The following FILIP1L variants were observed in gnomAD, a reference collection of about 807,000 sequenced individuals.
FILIP1L encodes filamin A interacting protein 1 like.
FILIP1L carries 55 observed loss-of-function variants against 96.6 expected under a neutral mutation model. The observed-to-expected ratio is 0.57, with a 90% CI of 0.46 to 0.71. The LOEUF is 0.71. Ranked by LOEUF, FILIP1L falls within the 30% of genes least tolerant of loss-of-function variation. The probability of loss-of-function intolerance (pLI) is 0.00; values close to 1 mark genes in which losing one functional copy is unlikely to be tolerated. For synonymous variants in FILIP1L, 467 were observed against 473.9 expected (o/e 0.99, Z 0.19); for missense variants, 1,304 against 1,321.2 (o/e 0.99, Z 0.20).
intron 1 of FILIP1L, among the ~76,000 whole-genome samples, chr3:100,010,762 G>A (rs887434925): frequency 1.0e-4 from 15 of 147,900 alleles, no homozygotes; most frequent in Non-Finnish European, 1.9e-4. Flanking sequence ...TTACAGGTGC[G>A]CGCCTCCACG....
intron 1 of FILIP1L, among the ~76,000 whole-genome samples, chr3:99,992,451 GC>G (rs1709552171): frequency 6.6e-6 from 1 of 151,882 alleles, no homozygotes; most frequent in South Asian, 2.1e-4. Context: ...ATGTTTGTTG[GC>G]TGCTTGTATG....
At chr3:99,973,470 A>G (rs1708881254) in intron 1 of FILIP1L, among the ~76,000 whole-genome samples, 1 of 152,206 alleles carries the variant, frequency 6.6e-6, no homozygotes, top group South Asian at 2.1e-4. Context: ...AGTTATAAAT[A>G]CATATGAAAA....
At chr3:99,878,265 A>G (rs1224044074) in intron 4 of FILIP1L, among the ~76,000 whole-genome samples, 2 of 152,156 alleles carry the variant, frequency 1.3e-5, no homozygotes, top group Non-Finnish European at 2.9e-5. Context: ...GAGCTTTTAG[A>G]TCATACCTAC....
chr3:100,103,527 G>GT (rs776373148), intron 1 of FILIP1L, among the ~76,000 whole-genome samples: 2 of 152,166 alleles, frequency 1.3e-5, no homozygotes, highest in African/African-American at 2.4e-5. Flanking sequence ...CTTGAATCAG[G>GT]TTTTTTCTAG....
intron 1 of FILIP1L, among the ~76,000 whole-genome samples, chr3:100,090,510 A>T (rs1289692661): frequency 1.3e-5 from 2 of 152,152 alleles, no homozygotes; most frequent in Non-Finnish European, 2.9e-5. Flanking sequence ...GGCGACAGAG[A>T]TGCATGACTT....
intron 1 of FILIP1L, among the ~76,000 whole-genome samples, chr3:99,969,397 C>A (rs1362539421): frequency 6.6e-6 from 1 of 152,076 alleles, no homozygotes; most frequent in Non-Finnish European, 1.5e-5. Context: ...ACGTTGATGG[C>A]CTATTTGAGA....
At chr3:99,951,661 T>G (rs188874154) in intron 1 of FILIP1L, among the ~76,000 whole-genome samples, 1 of 152,348 alleles carries the variant, frequency 6.6e-6, no homozygotes, top group Admixed American at 6.5e-5. Flanking sequence ...GTCCCCACTA[T>G]GTTGGGCTTG....
chr3:99,852,212 G>A (rs1256727651), intron 4 of FILIP1L, among the ~76,000 whole-genome samples: 1 of 152,188 alleles, frequency 6.6e-6, no homozygotes, highest in Non-Finnish European at 1.5e-5. Flanking sequence ...CAGCTTTGCA[G>A]TACTGTTATA....
intron 1 of FILIP1L, among the ~76,000 whole-genome samples, chr3:99,989,668 A>C (rs923648417): frequency 2.1e-5 from 3 of 140,102 alleles, no homozygotes; most frequent in Non-Finnish European, 4.6e-5. Context: ...CTTCCTCTAT[A>C]TATATATATA....
At chr3:100,024,011 C>G (rs1249213358) in intron 1 of FILIP1L, among the ~76,000 whole-genome samples, 1 of 152,124 alleles carries the variant, frequency 6.6e-6, no homozygotes, top group Non-Finnish European at 1.5e-5. Context: ...GTTCACTCCC[C>G]CTTCAGCTGA....
At position 99,829,728 on chromosome 3, in the gene FILIP1L, C is replaced by T. The variant is rs936135710; in HGVS notation, c.*686G>A. 2.0e-5 allele frequency among the ~76,000 whole-genome samples: 3 copies of T among 152,098 alleles called. No homozygotes were observed. Among genetic ancestry groups the T allele is most frequent in the African/African-American group, 7.2e-5 (3 of 41,392 alleles). On this transcript the variant is annotated 3_prime_UTR_variant, in exon 6 of 6. Coordinates refer to ENST00000477258, the MANE Select transcript of FILIP1L (RefSeq NM_001387850.1). ...ATAAATTCTGTATTTTTTCAAGCAC[C>T]TGGAATATTGATTCATGTCTCCCTA... is the stretch of plus-strand genomic sequence containing the variant.
At position 99,849,007 on chromosome 3, in the gene FILIP1L, C is replaced by G. The variant is rs1943515118; in HGVS notation, c.2669G>C (p.Gly890Ala). 6.2e-7 allele frequency: 1 copy of G among 1,614,078 alleles called. No individual in the cohort carries two copies. Among genetic ancestry groups the G allele is most frequent in the Non-Finnish European group, 8.5e-7 (1 of 1,179,988 alleles). The change falls in exon 5 of 6, where the codon GGA (glycine) becomes GCA (alanine). Residue 890 changes from glycine to alanine, a missense_variant. By Grantham distance (60) the Gly-to-Ala change is moderately conservative. Transcript: ENST00000477258. ...TKPNANFVQP[G>A]DLVLSHTPGQ... is the part of the protein sequence containing the mutation. Reference sequence around the variant, plus strand: ...AGGTGTGTGGCTTAGGACTAGATCTCCAGGTTGCACAAAGTTGGCATTGGG... The same window carrying G: ...AGGTGTGTGGCTTAGGACTAGATCTGCAGGTTGCACAAAGTTGGCATTGGG...
At chr3:99,894,641 G>T (rs1207093709) in intron 4 of FILIP1L, among the ~76,000 whole-genome samples, 2 of 152,174 alleles carry the variant, frequency 1.3e-5, no homozygotes, top group African/African-American at 4.8e-5. Context: ...TTACTATCTT[G>T]CAGAAAGACT....
intron 1 of FILIP1L, among the ~76,000 whole-genome samples, chr3:99,975,847 C>T (rs1488653547): frequency 1.3e-5 from 2 of 152,176 alleles, no homozygotes; most frequent in African/African-American, 2.4e-5. Context: ...TCCATTATTG[C>T]ATATTTTCTT....
chr3:100,090,993 C>G (rs1350804519), intron 1 of FILIP1L, among the ~76,000 whole-genome samples: 1 of 152,104 alleles, frequency 6.6e-6, no homozygotes, highest in Non-Finnish European at 1.5e-5. Flanking sequence ...ATTCCTGAAA[C>G]CCTACCTTAG....
chr3:99,926,005 G>C (rs1233839996), intron 3 of FILIP1L: 1 of 318,982 alleles, frequency 3.1e-6, no homozygotes, highest in Middle Eastern at 1.6e-3. Flanking sequence ...GAAAACACCC[G>C]ACTTTCTAGA....
chr3:99,939,967 C>T (rs375108533), intron 1 of FILIP1L, among the ~76,000 whole-genome samples: 23 of 152,280 alleles, frequency 1.5e-4, no homozygotes, highest in African/African-American at 5.1e-4. Context: ...TTGTTTTCTA[C>T]GTGCTGCAGT....
chr3:100,046,872 A>G (rs561743912), intron 1 of FILIP1L, among the ~76,000 whole-genome samples: 10 of 152,240 alleles, frequency 6.6e-5, no homozygotes, highest in African/African-American at 1.7e-4. Flanking sequence ...CAGTTTTCCT[A>G]TTTTCCATGG....
chr3:99,867,252 A>C lies in FILIP1L; in HGVS notation c.606-16182T>G, dbSNP rs530845290. ...CCCTGAGCAGGAGTTTCACCCATTT[A>C]GTTTATCTATGTGAGAAATGTTCTG... On this transcript the variant is annotated intron_variant, in intron 4 of 5. Coordinates refer to ENST00000477258, the MANE Select transcript of FILIP1L (RefSeq NM_001387850.1). 4.6e-5 allele frequency among the ~76,000 whole-genome samples: 7 copies of C among 152,210 alleles called. No homozygotes were observed. The South Asian group carries it at 1.5e-3, about 32-fold the overall frequency.
Sources: allele counts gnomAD v4.1 joint callset (sites outside exome capture counted in the v4.1 genomes callset), GRCh38; gene constraint gnomAD v4.1.1; transcripts MANE v1.5; gene names NCBI Gene and HGNC (gene_info 2026-07-23, HGNC 2026-07-21).